Variants in LTBP1 observed in about 807,000 individuals in gnomAD.
LTBP1 encodes latent-transforming growth factor beta-binding protein 1.
In LTBP1, 129 loss-of-function variants were observed where a neutral mutation model predicts 207.6. The ratio of observed to expected loss-of-function variants is 0.62; its 90% CI spans 0.54 to 0.72. The LOEUF (loss-of-function observed/expected upper bound fraction) is 0.72. Among genes scored for constraint, LTBP1 ranks in the 30% least tolerant of loss-of-function variants. The pLI is 0.00. For missense variants in LTBP1, 2,281 were observed against 2,217.2 expected (o/e 1.03, Z -0.58); for synonymous variants, 963 against 833.7 (o/e 1.16, Z -2.67).
At chr2:33,243,538 T>G (rs2092407389) in intron 9 of LTBP1, 124 bp from the exon 10 acceptor site, 1 of 804,434 alleles carries the variant, frequency 1.2e-6, no homozygotes, top group Admixed American at 2.8e-5. Context: ...TCACACCTGC[T>G]ACATCCTTTT....
chr2:32,992,167 G>C (rs536521648), intron 2 of LTBP1, among the ~76,000 whole-genome samples: 1 of 152,298 alleles, frequency 6.6e-6, no homozygotes, highest in Admixed American at 6.5e-5. Context: ...GGGAGAGGTA[G>C]GGACACAAGA....
At chr2:33,061,624 C>T (rs114080768) in intron 3 of LTBP1, among the ~76,000 whole-genome samples, 14,711 of 152,078 alleles carry the variant, frequency 0.097, 931 homozygotes, top group Non-Finnish European at 0.14. Context: ...TTAATACTGT[C>T]GCGTGAATAA....
intron 28 of LTBP1, among the ~76,000 whole-genome samples, chr2:33,362,826 T>C (rs114513505): frequency 6.6e-6 from 1 of 152,186 alleles, no homozygotes; most frequent in African/African-American, 2.4e-5. Flanking sequence ...TCATCCTTCC[T>C]CTCTTATTAG....
chr2:33,247,825 G>A (rs2092559177), intron 10 of LTBP1, among the ~76,000 whole-genome samples: 1 of 152,206 alleles, frequency 6.6e-6, no homozygotes, highest in Non-Finnish European at 1.5e-5. Flanking sequence ...ATATTGAGTG[G>A]CGTAGTTTTG....
intron 3 of LTBP1, among the ~76,000 whole-genome samples, chr2:33,066,680 G>A (rs755008662): frequency 2.2e-4 from 33 of 152,196 alleles, no homozygotes; most frequent in Non-Finnish European, 4.0e-4. Context: ...TCAACTCACA[G>A]AAATGCTGTG....
chr2:33,309,893 TA>T (rs2094156347), intron 23 of LTBP1, among the ~76,000 whole-genome samples: 1 of 151,956 alleles, frequency 6.6e-6, no homozygotes, highest in African/African-American at 2.4e-5. Flanking sequence ...TTTTGTCTCA[TA>T]GGTGGTATTT....
At chr2:33,213,220 G>A (rs2149308347) in intron 7 of LTBP1, among the ~76,000 whole-genome samples, 1 of 152,196 alleles carries the variant, frequency 6.6e-6, no homozygotes, top group Non-Finnish European at 1.5e-5. Context: ...TGACCCAATA[G>A]GATTTTTGTT....
intron 10 of LTBP1, among the ~76,000 whole-genome samples, chr2:33,245,365 A>C (rs1361598707): frequency 6.6e-6 from 1 of 152,246 alleles, no homozygotes; most frequent in African/African-American, 2.4e-5. Flanking sequence ...ATAAAGACAA[A>C]TGTAGTAAAA....
chr2:33,075,233 G>T (rs1332099542), intron 3 of LTBP1, among the ~76,000 whole-genome samples: 4 of 152,200 alleles, frequency 2.6e-5, no homozygotes, highest in Non-Finnish European at 5.9e-5. Flanking sequence ...GACTTAAGAT[G>T]TCAAGGAAAA....
At chr2:33,324,557 G>A (rs1196423108) in intron 24 of LTBP1, among the ~76,000 whole-genome samples, 1 of 152,008 alleles carries the variant, frequency 6.6e-6, no homozygotes, top group Non-Finnish European at 1.5e-5. Context: ...CTAAAAGGAG[G>A]GAAACATTTA....
chr2:33,397,118 C>T lies in LTBP1; in HGVS notation c.4835-15C>T, dbSNP rs750876727. The T allele has an allele frequency of 1.9e-6, 3 of 1,611,796 alleles. No individual in the cohort carries two copies. The highest frequency in any genetic ancestry group is 1.7e-5 in the Admixed American group (1 of 59,868). ...TTGAGAAGCTCTAACTTAGCTTCTGCCCTTTCCTTTCCAGGTTTTCTAAAT... is the reference window on the plus strand; with the variant it reads ...TTGAGAAGCTCTAACTTAGCTTCTGTCCTTTCCTTTCCAGGTTTTCTAAAT... On this transcript the variant is annotated splice_polypyrimidine_tract_variant and intron_variant, in intron 32 of 33. Transcript: ENST00000404816.
At chr2:33,024,559 G>T (rs999957233) in intron 3 of LTBP1, among the ~76,000 whole-genome samples, 2 of 152,160 alleles carry the variant, frequency 1.3e-5, no homozygotes, top group Non-Finnish European at 2.9e-5. Flanking sequence ...GGCTGAATTG[G>T]TTTTAGGCAA....
intron 24 of LTBP1, among the ~76,000 whole-genome samples, chr2:33,328,726 G>A (rs2094459923): frequency 6.6e-6 from 1 of 152,198 alleles, no homozygotes; most frequent in Admixed American, 6.5e-5. Context: ...AAGATTTTGG[G>A]TGGGGACACA....
At chr2:33,382,106 T>G (rs2095222135) in intron 31 of LTBP1, among the ~76,000 whole-genome samples, 1 of 102,046 alleles carries the variant, frequency 9.8e-6, no homozygotes, top group South Asian at 3.4e-4. Context: ...TTTTTTTTTT[T>G]TTTTTTGAGA....
Position 32,967,391 on chromosome 2 carries a change from T to C in LTBP1, c.565+18446T>C, listed in dbSNP as rs915097235. ...TTAATTTGCTGCTCTTTTTCTAGTT[T>C]CCCATGGTGGAAGCTTAGATTATTA... On this transcript the variant is annotated intron_variant, in intron 2 of 33. Coordinates refer to ENST00000404816, the MANE Select transcript of LTBP1 (RefSeq NM_206943.4). 2.6e-5 allele frequency among the ~76,000 whole-genome samples: 4 copies of C among 152,128 alleles called. No homozygotes were observed. The East Asian group carries it at 7.7e-4, about 29-fold the overall frequency.
chr2:32,959,915 C>T (rs375136282), intron 2 of LTBP1, among the ~76,000 whole-genome samples: 1 of 151,772 alleles, frequency 6.6e-6, no homozygotes, highest in Non-Finnish European at 1.5e-5. Flanking sequence ...GCCACTACAC[C>T]CACCCTATTA....
chr2:33,165,965 T>C (rs761025260), intron 5 of LTBP1, among the ~76,000 whole-genome samples: 25 of 152,130 alleles, frequency 1.6e-4, no homozygotes, highest in Non-Finnish European at 3.5e-4. Flanking sequence ...CATTCTTCTT[T>C]CCCCATTAGC....
intron 31 of LTBP1, among the ~76,000 whole-genome samples, chr2:33,384,786 AGCTGGACT>A (rs1315348232): frequency 6.6e-6 from 1 of 152,176 alleles, no homozygotes; most frequent in Non-Finnish European, 1.5e-5. Flanking sequence ...CAGTTCCCCA[AGCTGGACT>A]GTAGCAGTGA....
At chr2:32,960,661 C>T (rs971269874) in intron 2 of LTBP1, among the ~76,000 whole-genome samples, 1 of 152,082 alleles carries the variant, frequency 6.6e-6, no homozygotes, top group Non-Finnish European at 1.5e-5. Flanking sequence ...AACAGGGTCA[C>T]AGGCTAGAGA....
Sources: gnomAD v4.1 joint callset for allele counts (sites outside exome capture counted in the v4.1 genomes callset) on GRCh38, gnomAD v4.1.1 for gene constraint, MANE v1.5 for transcripts, NCBI Gene and HGNC (gene_info 2026-07-23, HGNC 2026-07-21) for gene names.